SGCZ: variants seen among roughly 807,000 people sequenced by gnomAD.
SGCZ encodes zeta-sarcoglycan.
A neutral mutation model predicts 41.3 loss-of-function variants in SGCZ; 40 were observed. That is an observed-to-expected ratio of 0.97 (90% CI 0.75 to 1.26). SGCZ has a LOEUF of 1.26. SGCZ is among the 50% of genes most tolerant of loss of function. The probability of loss-of-function intolerance (pLI) is 0.00; values close to 1 mark genes in which losing one functional copy is unlikely to be tolerated. For synonymous variants in SGCZ, 206 were observed against 137.5 expected (o/e 1.50, Z -3.49); for missense variants, 552 against 369.8 (o/e 1.49, Z -4.04).
chr8:14,409,636 C>T (rs1799307062), intron 2 of SGCZ, among the ~76,000 whole-genome samples: 1 of 152,128 alleles, frequency 6.6e-6, no homozygotes, highest in Non-Finnish European at 1.5e-5. Context: ...ATTTGAGACA[C>T]TCCTGCTATT....
At chr8:14,281,974 A>G (rs6988694) in intron 3 of SGCZ, among the ~76,000 whole-genome samples, 32,515 of 151,908 alleles carry the variant, frequency 0.21, 3,678 homozygotes, top group East Asian at 0.3. Flanking sequence ...ATCCCCTTCT[A>G]CAACATTGAT....
intron 2 of SGCZ, among the ~76,000 whole-genome samples, chr8:14,350,392 G>T (rs1803045459): frequency 6.6e-6 from 1 of 152,030 alleles, no homozygotes; most frequent in African/African-American, 2.4e-5. Flanking sequence ...ATTTTAGCTT[G>T]GAGTTGTATT....
intron 1 of SGCZ, among the ~76,000 whole-genome samples, chr8:15,156,057 CAAAA>C (rs67378130): frequency 9.0e-6 from 1 of 110,924 alleles, no homozygotes; most frequent in Non-Finnish European, 1.8e-5. Flanking sequence ...GATTCCCTCT[CAAAA>C]AAAAAAAAAA....
At chr8:14,414,503 T>C (rs1242855764) in intron 2 of SGCZ, among the ~76,000 whole-genome samples, 1 of 151,830 alleles carries the variant, frequency 6.6e-6, no homozygotes, top group Non-Finnish European at 1.5e-5. Flanking sequence ...TTGAGATAAA[T>C]TTAGGCAAAT....
At chr8:14,332,670 A>T (rs1802377483) in intron 2 of SGCZ, 1 of 151,846 alleles carries the variant, frequency 6.6e-6, no homozygotes, top group South Asian at 2.1e-4. Context: ...TTACATAAAT[A>T]AATGAATAAA....
chr8:14,425,200 C>G (rs183827066), intron 2 of SGCZ, among the ~76,000 whole-genome samples: 4 of 152,094 alleles, frequency 2.6e-5, no homozygotes, highest in African/African-American at 4.8e-5. Context: ...GCCAAGAAAT[C>G]GAATCAGAGT....
intron 1 of SGCZ, among the ~76,000 whole-genome samples, chr8:14,625,637 C>G (rs1249052769): frequency 6.6e-6 from 1 of 151,934 alleles, no homozygotes; most frequent in Non-Finnish European, 1.5e-5. Flanking sequence ...CACTAGGTTT[C>G]CCAGGCTGGT....
chr8:15,120,889 G>T (rs548785921), intron 1 of SGCZ, among the ~76,000 whole-genome samples: 3 of 152,070 alleles, frequency 2.0e-5, no homozygotes, highest in African/African-American at 7.2e-5. Flanking sequence ...GTAGCTATCA[G>T]CCCCGGGAAT....
chr8:14,367,535 T>C (rs1203401672), intron 2 of SGCZ, among the ~76,000 whole-genome samples: 1 of 152,126 alleles, frequency 6.6e-6, no homozygotes, highest in Non-Finnish European at 1.5e-5. Flanking sequence ...AAGGGTTTAA[T>C]GGACTCACAG....
chr8:14,951,949 T>A lies in SGCZ; in HGVS notation c.39+285636A>T, dbSNP rs944650470. ...TGGGCATTCTTAAGCATCTGATTGA[T>A]GTGCCTATCATAATTTATGAATTCA... On this transcript the variant is annotated intron_variant, in intron 1 of 7. Transcript: ENST00000382080. 6.6e-5 allele frequency among the ~76,000 whole-genome samples: 10 copies of A among 152,276 alleles called. No homozygotes were observed. In the East Asian group the frequency reaches 1.7e-3, roughly 26 times the overall value.
chr8:15,141,517 T>C (rs1284698493), intron 1 of SGCZ, among the ~76,000 whole-genome samples: 1 of 152,244 alleles, frequency 6.6e-6, no homozygotes, highest in African/African-American at 2.4e-5. Flanking sequence ...AATTGTACTC[T>C]CAATGATGAT....
chr8:14,301,933 C>T (rs1048558201), intron 3 of SGCZ, among the ~76,000 whole-genome samples: 6 of 152,194 alleles, frequency 3.9e-5, no homozygotes, highest in South Asian at 2.1e-4. Flanking sequence ...ATTTTCAAAT[C>T]GTGTTTTCCA....
intron 1 of SGCZ, among the ~76,000 whole-genome samples, chr8:14,559,060 G>A (rs141482615): frequency 0.017 from 2,543 of 152,132 alleles, 38 homozygotes; most frequent in African/African-American, 0.034. Context: ...TTCTCTCTGA[G>A]AACTGGAACA....
chr8:14,469,183 C>G (rs1012678504), intron 2 of SGCZ, among the ~76,000 whole-genome samples: 5 of 152,126 alleles, frequency 3.3e-5, no homozygotes, highest in Non-Finnish European at 7.4e-5. Context: ...TTTTAAACAT[C>G]CTTATGACAG....
At chr8:14,975,650 G>A (rs1228647967) in intron 1 of SGCZ, among the ~76,000 whole-genome samples, 2 of 152,126 alleles carry the variant, frequency 1.3e-5, no homozygotes, top group African/African-American at 2.4e-5. Flanking sequence ...ATAGGACTCA[G>A]TGTATATCTC....
intron 1 of SGCZ, among the ~76,000 whole-genome samples, chr8:14,831,228 G>A (rs753884975): frequency 9.2e-5 from 14 of 152,082 alleles, no homozygotes; most frequent in East Asian, 1.9e-4. Flanking sequence ...AGTACATGAC[G>A]GCAAAATACT....
intron 2 of SGCZ, among the ~76,000 whole-genome samples, chr8:14,447,550 G>A (rs1158289098): frequency 2.0e-5 from 3 of 152,050 alleles, no homozygotes; most frequent in African/African-American, 4.8e-5. Flanking sequence ...ACCCTCAAAA[G>A]CATTACAACA....
At chr8:14,567,462 G>C (rs1340766025) in intron 1 of SGCZ, among the ~76,000 whole-genome samples, 1 of 152,086 alleles carries the variant, frequency 6.6e-6, no homozygotes, top group South Asian at 2.1e-4. Context: ...TCTGGCTCAG[G>C]GATTGTAAAC....
At position 14,269,481 on chromosome 8, in the gene SGCZ, C is replaced by T. The variant is rs1415584391; in HGVS notation, c.337-31802G>A. ...CGAGGCACTGCATCAGAAATATATG[C>T]AGCCCTCTGAAGACAATACTGAGCT... On this transcript the variant is annotated intron_variant, in intron 3 of 7. Coordinates refer to ENST00000382080, the MANE Select transcript of SGCZ (RefSeq NM_139167.4). Among the ~76,000 whole-genome samples, 7 of 151,930 alleles carry T rather than the reference C, an allele frequency of 4.6e-5. No individual in the cohort carries two copies. The East Asian group carries it at 1.2e-3, about 25-fold the overall frequency.
Sources: gnomAD v4.1 joint callset for allele counts (sites outside exome capture counted in the v4.1 genomes callset) on GRCh38, gnomAD v4.1.1 for gene constraint, MANE v1.5 for transcripts, NCBI Gene and HGNC (gene_info 2026-07-23, HGNC 2026-07-21) for gene names.